FAF1: variants seen among roughly 807,000 people sequenced by gnomAD.
FAF1 encodes Fas associated factor 1.
FAF1 carries 25 observed loss-of-function variants against 92.5 expected under a neutral mutation model. The observed-to-expected ratio is 0.27, with a 90% CI of 0.20 to 0.38. The LOEUF (loss-of-function observed/expected upper bound fraction) is 0.38, where lower values mean the gene tolerates loss of function less well. Among genes scored for constraint, FAF1 ranks in the 10% least tolerant of loss-of-function variants. FAF1 has a pLI of 1.00. For missense variants in FAF1, 636 were observed against 793.3 expected (o/e 0.80, Z 2.38); for synonymous variants, 234 against 273.2 (o/e 0.86, Z 1.42).
intron 7 of FAF1, among the ~76,000 whole-genome samples, chr1:50,670,402 A>C (rs1655821610): frequency 6.6e-6 from 1 of 151,994 alleles, no homozygotes; most frequent in Non-Finnish European, 1.5e-5. Flanking sequence ...ATTTAAGTTT[A>C]AATTGCCACT....
chr1:50,875,109 TTG>T (rs1395782758), intron 1 of FAF1, among the ~76,000 whole-genome samples: 2 of 152,116 alleles, frequency 1.3e-5, no homozygotes, highest in African/African-American at 4.8e-5. Flanking sequence ...CTGAATTTTT[TTG>T]TTTTTCAAAG....
intron 2 of FAF1, 52 bp from the exon 3 acceptor site, chr1:50,801,729 G>T: frequency 2.0e-6 from 2 of 1,013,152 alleles, no homozygotes; most frequent in Admixed American, 1.7e-5. Context: ...AAATGCCCAA[G>T]TGTGGTGGAG....
At position 50,651,961 on chromosome 1, in the gene FAF1, G is replaced by A. The variant is rs549088777; in HGVS notation, c.744+3481C>T. 5.3e-5 allele frequency among the ~76,000 whole-genome samples: 8 copies of A among 152,296 alleles called. No individual in the cohort carries two copies. The East Asian group carries it at 1.5e-3, about 29-fold the overall frequency. On this transcript the variant is annotated intron_variant, in intron 8 of 18. Coordinates refer to ENST00000396153, the MANE Select transcript of FAF1 (RefSeq NM_007051.3). ...CATTTTTGGCTAAATTCAAGCACTG[G>A]AGCTAGTGAATCTGCTGTGGCATCA...
chr1:50,718,159 A>G (rs1658265627), intron 6 of FAF1, among the ~76,000 whole-genome samples: 1 of 151,998 alleles, frequency 6.6e-6, no homozygotes, highest in South Asian at 2.1e-4. Flanking sequence ...AGCTGGGATT[A>G]CAGGCACCCG....
At chr1:50,826,158 T>C (rs1029683149) in intron 2 of FAF1, among the ~76,000 whole-genome samples, 5 of 152,128 alleles carry the variant, frequency 3.3e-5, no homozygotes, top group Non-Finnish European at 5.9e-5. Flanking sequence ...AATGTAAAGA[T>C]AAATACGAAA....
intron 2 of FAF1, among the ~76,000 whole-genome samples, chr1:50,832,932 A>G (rs1644167389): frequency 6.6e-6 from 1 of 152,216 alleles, no homozygotes; most frequent in Non-Finnish European, 1.5e-5. Flanking sequence ...TTAAGTCAAC[A>G]TAGGCTTCAA....
At chr1:50,561,840 C>CGGAAGGAA (rs1353909490) in intron 13 of FAF1, among the ~76,000 whole-genome samples, 9 of 124,954 alleles carry the variant, frequency 7.2e-5, no homozygotes, top group Admixed American at 3.2e-4. Flanking sequence ...GACGGATGGA[C>CGGAAGGAA]GGATGGACGG....
chr1:50,455,693 G>A (rs1192755521), intron 18 of FAF1, among the ~76,000 whole-genome samples: 2 of 152,170 alleles, frequency 1.3e-5, no homozygotes, highest in Non-Finnish European at 2.9e-5. Flanking sequence ...AAAAGACCCA[G>A]AGACGTATGT....
intron 8 of FAF1, among the ~76,000 whole-genome samples, chr1:50,626,737 T>G (rs1224010452): frequency 6.6e-6 from 1 of 152,134 alleles, no homozygotes; most frequent in Non-Finnish European, 1.5e-5. Flanking sequence ...TCTGATATAG[T>G]ACGGAGAGTT....
At chr1:50,553,971 C>T (rs1334006427) in intron 13 of FAF1, among the ~76,000 whole-genome samples, 2 of 151,784 alleles carry the variant, frequency 1.3e-5, no homozygotes, top group Non-Finnish European at 2.9e-5. Context: ...GCTGGAGCAA[C>T]ATCAGCTAAG....
In FAF1 at chr1:50,730,648, G is replaced by A. The variant is rs186380423; in HGVS notation, c.551+8215C>T. Among the ~76,000 whole-genome samples the A allele has an allele frequency of 2.1e-3, 325 of 152,224 alleles. 2 individuals carry two copies. The highest frequency in any genetic ancestry group is 3.1e-3 in the Non-Finnish European group (210 of 68,022). ...TTAATTTTCTCATGCCAGAAGCAGG[G>A]CTCCGCTACTCTTGACAGAGTTTCC... is the stretch of plus-strand genomic sequence containing the variant. On this transcript the variant is annotated intron_variant, in intron 6 of 18. Coordinates refer to ENST00000396153, the MANE Select transcript of FAF1 (RefSeq NM_007051.3).
intron 13 of FAF1, among the ~76,000 whole-genome samples, chr1:50,555,766 C>G (rs114054699): frequency 0.013 from 2,038 of 151,938 alleles, 17 homozygotes; most frequent in Middle Eastern, 0.058. Flanking sequence ...TACTGAGTAC[C>G]CAAAGGAAAA....
At chr1:50,671,990 G>T (rs1655902288) in intron 7 of FAF1, among the ~76,000 whole-genome samples, 1 of 148,046 alleles carries the variant, frequency 6.8e-6, no homozygotes, top group Admixed American at 6.7e-5. Context: ...TAGAGAAAAG[G>T]TCTCACTATG....
chr1:50,593,937 T>G (rs1329243043), intron 9 of FAF1, among the ~76,000 whole-genome samples: 1 of 152,156 alleles, frequency 6.6e-6, no homozygotes, highest in East Asian at 1.9e-4. Context: ...CAACCACATT[T>G]TGTATAGAAT....
intron 15 of FAF1, among the ~76,000 whole-genome samples, chr1:50,503,605 T>G (rs1240424541): frequency 6.7e-6 from 1 of 149,316 alleles, no homozygotes; most frequent in Non-Finnish European, 1.5e-5. Context: ...ACAGAGTGAT[T>G]CCCTGTCTCT....
intron 6 of FAF1, among the ~76,000 whole-genome samples, chr1:50,724,396 T>TG (rs1658560362): frequency 6.6e-6 from 1 of 151,900 alleles, no homozygotes; most frequent in Admixed American, 6.6e-5. Flanking sequence ...TAGATACCTA[T>TG]TACCACTGCT....
rs917397003 is a variant in FAF1 at position 50,598,696 on chromosome 1, C to T, written c.745-2480G>A. Reference sequence around the variant, plus strand: ...TGGGCGCAATGGCTCATGTGCTGGGCGCGGTGGCTCACGCCTGTAATCTCA... The same window carrying T: ...TGGGCGCAATGGCTCATGTGCTGGGTGCGGTGGCTCACGCCTGTAATCTCA... On this transcript the variant is annotated intron_variant, in intron 8 of 18. Transcript: ENST00000396153. 5.9e-5 allele frequency among the ~76,000 whole-genome samples: 9 copies of T among 152,028 alleles called. No homozygotes were observed. In the South Asian group the frequency reaches 8.3e-4, roughly 14 times the overall value.
intron 2 of FAF1, among the ~76,000 whole-genome samples, chr1:50,817,919 C>T (rs914179792): frequency 2.0e-5 from 3 of 151,882 alleles, no homozygotes; most frequent in African/African-American, 7.3e-5. Flanking sequence ...ACATATTCTG[C>T]AATAATAAAA....
At chr1:50,571,650 C>T (rs565063394) in intron 12 of FAF1, among the ~76,000 whole-genome samples, 24 of 152,272 alleles carry the variant, frequency 1.6e-4, no homozygotes, top group East Asian at 1.3e-3. Flanking sequence ...TCTCTGAGTT[C>T]GGTGCCTCAC....
Sources: gnomAD v4.1 joint callset for allele counts (sites outside exome capture counted in the v4.1 genomes callset) on GRCh38, gnomAD v4.1.1 for gene constraint, MANE v1.5 for transcripts, NCBI Gene and HGNC (gene_info 2026-07-23, HGNC 2026-07-21) for gene names.